FNIP1: variants seen among roughly 807,000 people sequenced by gnomAD.
The protein encoded by FNIP1 is folliculin-interacting protein 1.
FNIP1 carries 40 observed loss-of-function variants against 124.5 expected under a neutral mutation model. The observed-to-expected ratio is 0.32, with a 90% CI of 0.25 to 0.42. The LOEUF (loss-of-function observed/expected upper bound fraction) is 0.42, where lower values mean the gene tolerates loss of function less well. Ranked by LOEUF, FNIP1 falls within the 10% of genes least tolerant of loss-of-function variation. The probability of loss-of-function intolerance (pLI) is 1.00; values close to 1 mark genes in which losing one functional copy is unlikely to be tolerated. For synonymous variants in FNIP1, 472 were observed against 470.6 expected (o/e 1.00, Z -0.04); for missense variants, 1,176 against 1,403.7 (o/e 0.84, Z 2.59).
At chr5:131,738,809 G>A (rs1045974331) in intron 2 of FNIP1, among the ~76,000 whole-genome samples, 5 of 145,204 alleles carry the variant, frequency 3.4e-5, no homozygotes, top group Non-Finnish European at 7.4e-5. Flanking sequence ...CACTGCATCC[G>A]GCCTTTTTTT....
intron 17 of FNIP1, among the ~76,000 whole-genome samples, chr5:131,645,396 T>C (rs1766853129): frequency 6.6e-6 from 1 of 151,534 alleles, no homozygotes; most frequent in African/African-American, 2.4e-5. Flanking sequence ...TTGGAAGTAA[T>C]GGGAGCTACT....
intron 1 of FNIP1, among the ~76,000 whole-genome samples, chr5:131,779,263 C>G (rs1771915663): frequency 6.6e-6 from 1 of 151,790 alleles, no homozygotes; most frequent in South Asian, 2.1e-4. Flanking sequence ...TCTAAAAAGT[C>G]ATTTCTGAGA....
In FNIP1 at chr5:131,699,005, T is replaced by C. The variant is rs1377195848; in HGVS notation, c.1117-3A>G. On this transcript the variant is annotated splice_region_variant and splice_polypyrimidine_tract_variant and intron_variant, in intron 10 of 17. Transcript: ENST00000510461. ...GATCTCCGGCTCATTTTCATAGCCT[T>C]GAAAACAATCATTGAGATAGTTAAT... The C allele has an allele frequency of 6.2e-7, 1 of 1,605,048 alleles. No homozygotes were observed. Among genetic ancestry groups the C allele is most frequent in the Admixed American group, 1.7e-5 (1 of 57,710 alleles).
At chr5:131,646,751 A>C (rs1766894414) in intron 17 of FNIP1, among the ~76,000 whole-genome samples, 1 of 152,228 alleles carries the variant, frequency 6.6e-6, no homozygotes, top group Admixed American at 6.5e-5. Flanking sequence ...TACCTCAACC[A>C]GCTCATGTGG....
At chr5:131,795,697 T>C (rs1459384234) in intron 1 of FNIP1, 1 of 152,250 alleles carries the variant, frequency 6.6e-6, no homozygotes, top group Non-Finnish European at 1.5e-5. Context: ...TTTTTCCTGA[T>C]GAGACCTGCA....
At chr5:131,705,643 T>C (rs1236653202) in intron 9 of FNIP1, among the ~76,000 whole-genome samples, 1 of 152,140 alleles carries the variant, frequency 6.6e-6, no homozygotes, top group East Asian at 1.9e-4. Context: ...CTGGTGGGAA[T>C]GTAAAATGGT....
intron 11 of FNIP1, among the ~76,000 whole-genome samples, chr5:131,689,463 G>A (rs1227472010): frequency 6.6e-6 from 1 of 152,072 alleles, no homozygotes; most frequent in Non-Finnish European, 1.5e-5. Flanking sequence ...TAATAAAAAT[G>A]ACAATATATT....
Position 131,694,053 on chromosome 5 carries a change from T to C in FNIP1, c.1202+4864A>G, listed in dbSNP as rs548123067. Among the ~76,000 whole-genome samples, 41 of 152,230 alleles carry C rather than the reference T, an allele frequency of 2.7e-4. 1 individual carries two copies. The South Asian group carries it at 4.8e-3, about 18-fold the overall frequency. On this transcript the variant is annotated intron_variant, in intron 11 of 17. Transcript: ENST00000510461. ...TACCTGCCTCTTAGAATGGCTAAAA[T>C]TGACAAACTGACCATATCAAATGCT...
intron 10 of FNIP1, among the ~76,000 whole-genome samples, chr5:131,701,115 T>C (rs1387839728): frequency 1.3e-5 from 2 of 152,148 alleles, no homozygotes; most frequent in East Asian, 1.9e-4. Context: ...GTGGCAGCAT[T>C]AGATTCTCAT....
chr5:131,651,988 C>A lies in FNIP1; in HGVS notation c.3120G>T (p.Leu1040Phe). The A allele has an allele frequency of 6.2e-7, 1 of 1,611,948 alleles. No homozygotes were observed. Among genetic ancestry groups the A allele is most frequent in the East Asian group, 2.2e-5 (1 of 44,794 alleles). The change falls in exon 16 of 18, where the codon TTG becomes TTT. Residue 1040 changes from leucine to phenylalanine, a missense_variant. By Grantham distance (22) the Leu-to-Phe change is conservative (BLOSUM62 0). Transcript: ENST00000510461. ...AGACAGCTTCTGCTATTGGTTCATC[C>A]AAAACTGGATGCTGGAAATAAAAGA... ...DLSHAVQHPVLDEPIAEAVCI... is the reference protein window; with the variant it reads ...DLSHAVQHPVFDEPIAEAVCI...
intron 13 of FNIP1, among the ~76,000 whole-genome samples, chr5:131,676,108 G>A (rs991449678): frequency 6.6e-5 from 10 of 150,758 alleles, no homozygotes; most frequent in African/African-American, 2.4e-5. Flanking sequence ...TGCAAGCTCC[G>A]CCTCCTGGGT....
intron 2 of FNIP1, 94 bp from the exon 3 acceptor site, chr5:131,731,132 T>C (rs1250478262): frequency 8.5e-7 from 1 of 1,176,736 alleles, no homozygotes; most frequent in Non-Finnish European, 1.2e-6. Context: ...AAACCAAGAA[T>C]GAAATAACTC....
chr5:131,679,149 A>G lies in FNIP1; in HGVS notation c.1229T>C (p.Met410Thr), dbSNP rs1767997904. 1 of 1,596,430 alleles carries G rather than the reference A, an allele frequency of 6.3e-7. No homozygotes were observed. Among genetic ancestry groups the G allele is most frequent in the Non-Finnish European group, 8.6e-7 (1 of 1,164,836 alleles). The part of the protein sequence containing the change: ...FRTTICNLYT[M>T]PRIGEPVWLT... ...CCAGACAGGTTCTCCAATTCGTGGC[A>G]TCGTGTAAAGATTACAAATTGTTGT... is the stretch of plus-strand genomic sequence containing the variant. The change falls in exon 12 of 18, where the codon ATG becomes ACG. Residue 410 changes from methionine to threonine, a missense_variant. Met to Thr is a moderately conservative substitution (Grantham distance 81, BLOSUM62 -1). Transcript: ENST00000510461.
intron 11 of FNIP1, among the ~76,000 whole-genome samples, chr5:131,692,122 G>A (rs1768500655): frequency 1.3e-5 from 2 of 151,780 alleles, no homozygotes; most frequent in Admixed American, 6.6e-5. Context: ...TGTGGAAGAC[G>A]ATTTTCTATA....
chr5:131,720,211 C>T (rs185005229), intron 3 of FNIP1, among the ~76,000 whole-genome samples: 3 of 152,314 alleles, frequency 2.0e-5, no homozygotes, highest in Non-Finnish European at 2.9e-5. Flanking sequence ...ATACAGTCAA[C>T]TTATCTTCAA....
At chr5:131,791,471 T>C (rs1246386524) in intron 1 of FNIP1, among the ~76,000 whole-genome samples, 2 of 152,198 alleles carry the variant, frequency 1.3e-5, no homozygotes, top group Non-Finnish European at 2.9e-5. Context: ...AATGTAAATA[T>C]GATAAAATAT....
chr5:131,674,696 C>G (rs1342115024), intron 13 of FNIP1, among the ~76,000 whole-genome samples: 2 of 151,726 alleles, frequency 1.3e-5, no homozygotes, highest in African/African-American at 4.8e-5. Context: ...CCAGCCTGTG[C>G]AATAGCGTGA....
chr5:131,659,033 A>G (rs546516480), intron 15 of FNIP1, among the ~76,000 whole-genome samples: 2 of 152,236 alleles, frequency 1.3e-5, no homozygotes, highest in South Asian at 2.1e-4. Context: ...AACGCGACTA[A>G]GTAACAGTCC....
chr5:131,739,596 G>A (rs1343435140), intron 2 of FNIP1, among the ~76,000 whole-genome samples: 1 of 151,982 alleles, frequency 6.6e-6, no homozygotes, highest in Non-Finnish European at 1.5e-5. Flanking sequence ...GGTGGATCAC[G>A]AGGTCAGGAG....
Sources: gnomAD v4.1 joint callset for allele counts (sites outside exome capture counted in the v4.1 genomes callset) on GRCh38, gnomAD v4.1.1 for gene constraint, MANE v1.5 for transcripts, NCBI Gene and HGNC (gene_info 2026-07-23, HGNC 2026-07-21) for gene names.